Variants in ASIC5 observed in about 807,000 individuals in gnomAD.
The protein encoded by ASIC5 is bile acid-sensitive ion channel.
A neutral mutation model predicts 51.2 loss-of-function variants in ASIC5; 52 were observed. The observed-to-expected ratio is 1.02, with a 90% CI of 0.81 to 1.28. ASIC5 has a LOEUF of 1.28. ASIC5 is among the 50% of genes most tolerant of loss of function. The pLI, the probability that ASIC5 is intolerant of heterozygous loss-of-function variation, is 0.00. For synonymous variants in ASIC5, 231 were observed against 200.7 expected, an observed-to-expected ratio of 1.15 and a Z score of -1.28; for missense variants, 635 against 595.0, an observed-to-expected ratio of 1.07 and a Z score of -0.70.
intron 7 of ASIC5, 42 bp downstream of exon 7, chr4:155,838,771 T>C (rs565836835): frequency 7.9e-7 from 1 of 1,268,426 alleles, no homozygotes; most frequent in Non-Finnish European, 1.1e-6. Flanking sequence ...TTTGAGCAAC[T>C]TTAATATAAA....
chr4:155,855,886 T>C (rs910279219), intron 2 of ASIC5, among the ~76,000 whole-genome samples: 2 of 151,966 alleles, frequency 1.3e-5, no homozygotes, highest in Admixed American at 6.6e-5. Flanking sequence ...GTAGAAAACG[T>C]CCATTAATGC....
At chr4:155,858,724 G>C (rs774361619) in intron 2 of ASIC5, 5 of 152,188 alleles carry the variant, frequency 3.3e-5, no homozygotes, top group Middle Eastern at 3.4e-3. Context: ...AAGGCAAGCA[G>C]TTGCATTCTT....
chr4:155,835,760 C>G (rs1464301965), intron 8 of ASIC5, among the ~76,000 whole-genome samples: 2 of 152,116 alleles, frequency 1.3e-5, no homozygotes, highest in Non-Finnish European at 2.9e-5. Context: ...ACTCCATTAG[C>G]CCTGTTTTGA....
intron 7 of ASIC5, among the ~76,000 whole-genome samples, chr4:155,838,250 C>G (rs973009932): frequency 5.3e-5 from 8 of 152,062 alleles, no homozygotes; most frequent in Non-Finnish European, 1.2e-4. Context: ...GAGAAAGTTA[C>G]AGTAGGATAT....
In ASIC5 at chr4:155,842,135, C is replaced by T; in HGVS notation, c.1009+72G>A. The T allele has an allele frequency of 2.1e-6, 3 of 1,407,414 alleles. No individual in the cohort carries two copies. In the Middle Eastern group the frequency reaches 6.0e-4, roughly 280 times the overall value. 87.2% of individuals were successfully genotyped at this position (1,407,414 alleles called of 1,614,324 possible). A position where few individuals can be genotyped will look rare whatever the true frequency, so the allele number is the denominator to read the frequency against. ...TTGTATTTCAATACTCTATTTCTCC[C>T]AGACCTTTTGTAACCCTCTAAGAAA... On this transcript the variant is annotated intron_variant, in intron 6 of 9. Transcript: ENST00000537611.
chr4:155,853,180 A>G (rs1465229858), intron 3 of ASIC5, among the ~76,000 whole-genome samples: 3 of 151,986 alleles, frequency 2.0e-5, no homozygotes, highest in South Asian at 4.1e-4. Flanking sequence ...GGTAAGTTAA[A>G]CTTGTTGGTG....
Position 155,866,209 on chromosome 4 carries a change from T to C in ASIC5, c.18A>G (p.Lys6=), listed in dbSNP as rs745968768. 5 of 1,608,950 alleles carry C rather than the reference T, an allele frequency of 3.1e-6. No individual in the cohort carries two copies. The South Asian group carries it at 4.4e-5, about 14-fold the overall frequency. Residue 6 remains lysine, a synonymous_variant, in exon 1 of 10, where the codon AAA becomes AAG. Coordinates refer to ENST00000537611, the MANE Select transcript of ASIC5 (RefSeq NM_017419.3). ...CACCGTTCTCAGCATATACTTTTGA[T>C]TTTTCTGTCTGCTCCATTTGTGATT... is the stretch of plus-strand genomic sequence containing the variant. The part of the protein sequence containing the change: MEQTE[K]SKVYAENGLL...
chr4:155,864,966 C>G (rs915241322), intron 1 of ASIC5: 3 of 151,962 alleles, frequency 2.0e-5, no homozygotes, highest in Non-Finnish European at 4.4e-5. Flanking sequence ...ATTCAACTAT[C>G]CAGCATTAAT....
At chr4:155,851,324 G>C (rs1030117979) in intron 4 of ASIC5, among the ~76,000 whole-genome samples, 1 of 151,918 alleles carries the variant, frequency 6.6e-6, no homozygotes, top group Non-Finnish European at 1.5e-5. Flanking sequence ...ATCTTGAATG[G>C]GATACAAAAG....
rs189990973 is a variant in ASIC5 at position 155,851,736 on chromosome 4, A to G, written c.711+455T>C. On this transcript the variant is annotated intron_variant, in intron 4 of 9. Coordinates refer to ENST00000537611, the MANE Select transcript of ASIC5 (RefSeq NM_017419.3). ...GGCTTGGACAAAATCTATTTATATA[A>G]TATTCTTTATATAACCATTATGTTT... 3.4e-3 allele frequency among the ~76,000 whole-genome samples: 517 copies of G among 152,110 alleles called. 1 individual carries two copies. The highest frequency in any genetic ancestry group is 5.3e-3 in the Non-Finnish European group (361 of 67,944).
At chr4:155,850,545 T>A (rs56050400) in intron 4 of ASIC5, among the ~76,000 whole-genome samples, 10,923 of 152,008 alleles carry the variant, frequency 0.072, 1,022 homozygotes, top group African/African-American at 0.22. Flanking sequence ...TCAATTGACA[T>A]TCATTGCTTA....
intron 6 of ASIC5, 106 bp downstream of exon 6, chr4:155,842,101 A>G: frequency 9.3e-7 from 1 of 1,070,472 alleles, no homozygotes; most frequent in Non-Finnish European, 1.4e-6. Context: ...ATAATACTTA[A>G]TATTCCATTT....
At chr4:155,850,140 A>C (rs1741347817) in intron 4 of ASIC5, among the ~76,000 whole-genome samples, 1 of 151,876 alleles carries the variant, frequency 6.6e-6, no homozygotes, top group Admixed American at 6.6e-5. Context: ...GGGGAATGGG[A>C]AAGGAAATTA....
In ASIC5 at chr4:155,863,607, A is replaced by G. The variant is rs1158238976; in HGVS notation, c.188T>C (p.Val63Ala). 6.2e-7 allele frequency: 1 copy of G among 1,613,596 alleles called. No individual in the cohort carries two copies. Among genetic ancestry groups the G allele is most frequent in the Non-Finnish European group, 8.5e-7 (1 of 1,179,920 alleles). The change falls in exon 2 of 10, where the codon GTG (valine) becomes GCG (alanine). Residue 63 changes from valine to alanine, a missense_variant. Coordinates refer to ENST00000537611, the MANE Select transcript of ASIC5 (RefSeq NM_017419.3). ...IVQNRSKIRR[V>A]LWLVVVLGSV... ...GCCCAGAACCACCACCAACCAGAGC[A>G]CCCTGCGAATTTTGCTCCGGTTCTG...
At chr4:155,830,283 A>T (rs1344841452) in intron 9 of ASIC5, among the ~76,000 whole-genome samples, 2 of 152,186 alleles carry the variant, frequency 1.3e-5, no homozygotes, top group African/African-American at 4.8e-5. Flanking sequence ...GATTCCAAAC[A>T]TATAACTCTA....
chr4:155,846,885 C>A, intron 4 of ASIC5, among the ~76,000 whole-genome samples: 1 of 151,442 alleles, frequency 6.6e-6, no homozygotes, highest in Non-Finnish European at 1.5e-5. Flanking sequence ...TATAAAAAAA[C>A]ATAAACAAAT....
chr4:155,834,312 G>A (rs1329490034), intron 8 of ASIC5, among the ~76,000 whole-genome samples: 1 of 152,074 alleles, frequency 6.6e-6, no homozygotes, highest in Non-Finnish European at 1.5e-5. Context: ...GTTAAGTTAG[G>A]GGTCGCTTCT....
chr4:155,836,568 GA>G, intron 8 of ASIC5, 120 bp downstream of exon 8: 2 of 587,680 alleles, frequency 3.4e-6, no homozygotes, highest in Non-Finnish European at 5.9e-6. Flanking sequence ...TCAGTTCAGT[GA>G]AAAAAGCCAT....
chr4:155,843,788 C>T lies in ASIC5; in HGVS notation c.754G>A (p.Gly252Arg). 3 of 1,613,586 alleles carry T rather than the reference C, an allele frequency of 1.9e-6. No homozygotes were observed. Among genetic ancestry groups the T allele is most frequent in the Non-Finnish European group, 2.5e-6 (3 of 1,179,706 alleles). ...GGTGAATGGATAACAAAGATGATCC[C>T]AGCATCAACGAAACCAAGGGCTGGG... Reference protein sequence around the residue: ...DNPALGFVDAGIIFVIHSPKK... With the variant: ...DNPALGFVDARIIFVIHSPKK... Residue 252 changes from glycine (G) to arginine (R), a missense_variant, in exon 5 of 10, where the codon GGG becomes AGG. Physicochemically the swap from Gly to Arg is moderately radical, Grantham distance 125 (BLOSUM62 -2). Transcript: ENST00000537611.
Sources: allele counts gnomAD v4.1 joint callset (sites outside exome capture counted in the v4.1 genomes callset), GRCh38; gene constraint gnomAD v4.1.1; transcripts MANE v1.5; gene names NCBI Gene and HGNC (gene_info 2026-07-23, HGNC 2026-07-21).